The following ERC2 variants were observed in gnomAD, a reference collection of about 807,000 sequenced individuals.
ERC2 encodes the protein ELKS/RAB6-interacting/CAST family member 2, also known as ERC protein 2.
A neutral mutation model predicts 114.8 loss-of-function variants in ERC2; 42 were observed. The ratio of observed to expected loss-of-function variants is 0.37; its 90% CI spans 0.29 to 0.47. ERC2 has a LOEUF of 0.47. Ranked by LOEUF, ERC2 falls within the 20% of genes least tolerant of loss-of-function variation. The pLI is 0.99. For missense variants in ERC2, 939 were observed against 1,150.7 expected (o/e 0.82, Z 2.66); for synonymous variants, 454 against 425.5 (o/e 1.07, Z -0.82).
At chr3:55,544,632 C>T (rs1371373915) in intron 17 of ERC2, among the ~76,000 whole-genome samples, 1 of 152,184 alleles carries the variant, frequency 6.6e-6, no homozygotes. Context: ...TGGATCCTCG[C>T]TGGATACTCC....
intron 14 of ERC2, among the ~76,000 whole-genome samples, chr3:55,780,528 GA>G (rs1481504287): frequency 3.3e-5 from 5 of 151,628 alleles, no homozygotes; most frequent in South Asian, 4.2e-4. Context: ...ATCAAAAAGG[GA>G]AAAAAATCAT....
At chr3:56,365,133 T>C (rs60419369) in intron 2 of ERC2, among the ~76,000 whole-genome samples, 5,157 of 152,324 alleles carry the variant, frequency 0.034, 184 homozygotes, top group African/African-American at 0.083. Flanking sequence ...TTGGCGGCTA[T>C]TATTTTTACT....
At chr3:55,935,596 G>C (rs375225627) in intron 13 of ERC2, among the ~76,000 whole-genome samples, 1 of 152,196 alleles carries the variant, frequency 6.6e-6, no homozygotes, top group African/African-American at 2.4e-5. Flanking sequence ...TTCACTTAGA[G>C]AACCAAAGTA....
chr3:56,120,424 A>C (rs1233826279), intron 6 of ERC2, among the ~76,000 whole-genome samples: 3 of 152,250 alleles, frequency 2.0e-5, no homozygotes, highest in African/African-American at 7.2e-5. Context: ...GAGAGTGATT[A>C]GCTTCCTTTT....
chr3:55,730,342 C>A (rs1446799196), intron 15 of ERC2, among the ~76,000 whole-genome samples: 1 of 152,144 alleles, frequency 6.6e-6, no homozygotes, highest in Non-Finnish European at 1.5e-5. Context: ...CCCAGCACTG[C>A]CAGAGAGTCT....
chr3:56,411,584 A>G (rs181530201), intron 2 of ERC2, among the ~76,000 whole-genome samples: 54 of 152,262 alleles, frequency 3.5e-4, no homozygotes, highest in Non-Finnish European at 5.3e-4. Context: ...TCACTTCTAA[A>G]TGGAAGTAAC....
intron 5 of ERC2, among the ~76,000 whole-genome samples, chr3:56,148,320 C>G (rs1350367537): frequency 6.6e-6 from 1 of 152,070 alleles, no homozygotes; most frequent in Non-Finnish European, 1.5e-5. Flanking sequence ...TAGTCTTGCT[C>G]TGTCACCCAG....
At chr3:55,692,864 T>A (rs1393502699) in intron 16 of ERC2, among the ~76,000 whole-genome samples, 1 of 152,218 alleles carries the variant, frequency 6.6e-6, no homozygotes, top group Non-Finnish European at 1.5e-5. Context: ...AAATACAATC[T>A]GTGTATCAGT....
intron 3 of ERC2, among the ~76,000 whole-genome samples, chr3:56,288,621 T>C (rs1028324684): frequency 6.6e-6 from 1 of 152,232 alleles, no homozygotes. Flanking sequence ...CAGAAAGGAA[T>C]TTATTTTCCG....
chr3:56,070,811 G>T (rs1045336209), intron 7 of ERC2, among the ~76,000 whole-genome samples: 20 of 152,220 alleles, frequency 1.3e-4, no homozygotes, highest in African/African-American at 4.8e-4. Flanking sequence ...CCAAGAAAGT[G>T]TGGTCCAGCT....
At chr3:56,202,667 T>C (rs139989414) in intron 3 of ERC2, among the ~76,000 whole-genome samples, 1 of 152,072 alleles carries the variant, frequency 6.6e-6, no homozygotes, top group Non-Finnish European at 1.5e-5. Context: ...AAAACATACA[T>C]AAACCTAGAG....
At chr3:55,804,472 G>A (rs2059419117) in intron 14 of ERC2, among the ~76,000 whole-genome samples, 1 of 152,160 alleles carries the variant, frequency 6.6e-6, no homozygotes, top group East Asian at 1.9e-4. Flanking sequence ...AGGATGATTA[G>A]GAGTCTACTG....
At chr3:55,950,666 TG>T (rs2067437630) in intron 12 of ERC2, 106 bp from the exon 13 acceptor site, 1 of 1,235,926 alleles carries the variant, frequency 8.1e-7, no homozygotes, top group African/African-American at 1.5e-5. Flanking sequence ...GATAAGGGCT[TG>T]GGAAAAAGAT....
intron 17 of ERC2, among the ~76,000 whole-genome samples, chr3:55,668,253 T>C (rs1174419380): frequency 1.3e-5 from 2 of 152,136 alleles, no homozygotes; most frequent in Admixed American, 6.6e-5. Context: ...CTATATCAGA[T>C]AGCTAGCGGT....
intron 3 of ERC2, among the ~76,000 whole-genome samples, chr3:56,214,880 T>C (rs1355318196): frequency 6.6e-6 from 1 of 152,132 alleles, no homozygotes; most frequent in Non-Finnish European, 1.5e-5. Flanking sequence ...GAATTTCATA[T>C]CCAGCCAAAC....
At chr3:55,930,285 T>C (rs2065998660) in intron 13 of ERC2, among the ~76,000 whole-genome samples, 1 of 152,076 alleles carries the variant, frequency 6.6e-6, no homozygotes, top group Non-Finnish European at 1.5e-5. Context: ...CAGTCTCAGG[T>C]AGTTTTTTAC....
intron 2 of ERC2, among the ~76,000 whole-genome samples, chr3:56,346,061 C>G (rs1190375321): frequency 6.6e-6 from 1 of 152,174 alleles, no homozygotes; most frequent in Non-Finnish European, 1.5e-5. Context: ...ATCCCTGGGT[C>G]ATAGGATATG....
intron 12 of ERC2, among the ~76,000 whole-genome samples, chr3:55,965,513 T>A (rs996804255): frequency 2.0e-5 from 3 of 152,224 alleles, no homozygotes; most frequent in African/African-American, 2.4e-5. Context: ...TTTTTGTGTT[T>A]GTGTTCTTCT....
rs1399165275 is a variant in ERC2 at position 55,970,351 on chromosome 3, T to C, written c.2267+15626A>G. On this transcript the variant is annotated intron_variant, in intron 12 of 17. Transcript: ENST00000288221. ...CAGGATTTTAAAAGGACATATCAAATACTAATAATTACTAATTAGTAATAT... is the reference window on the plus strand; with the variant it reads ...CAGGATTTTAAAAGGACATATCAAACACTAATAATTACTAATTAGTAATAT... Among the ~76,000 whole-genome samples, 3 of 151,862 alleles carry C rather than the reference T, an allele frequency of 2.0e-5. 1 individual carries two copies. In the South Asian group the frequency reaches 6.2e-4, roughly 31 times the overall value.
Sources: allele counts gnomAD v4.1 joint callset (sites outside exome capture counted in the v4.1 genomes callset), GRCh38; gene constraint gnomAD v4.1.1; transcripts MANE v1.5; gene names NCBI Gene and HGNC (gene_info 2026-07-23, HGNC 2026-07-21).